Variants in PLXDC2 observed in about 807,000 individuals in gnomAD.
PLXDC2 encodes the protein plexin domain-containing protein 2.
PLXDC2 carries 40 observed loss-of-function variants against 68.9 expected under a neutral mutation model. The ratio of observed to expected loss-of-function variants is 0.58; its 90% CI spans 0.45 to 0.76. PLXDC2 has a LOEUF of 0.76. PLXDC2 is among the 30% of genes least tolerant of loss of function. The probability of loss-of-function intolerance (pLI) is 0.00; values close to 1 mark genes in which losing one functional copy is unlikely to be tolerated. For synonymous variants in PLXDC2, 243 were observed against 234.2 expected (o/e 1.04, Z -0.34); for missense variants, 644 against 661.9 (o/e 0.97, Z 0.30).
intron 9 of PLXDC2, among the ~76,000 whole-genome samples, chr10:20,200,369 G>A (rs1834900624): frequency 6.6e-6 from 1 of 151,954 alleles, no homozygotes; most frequent in Non-Finnish European, 1.5e-5. Flanking sequence ...AACATGAAAT[G>A]TCATTTTAAC....
chr10:20,104,000 T>G (rs748196991), intron 4 of PLXDC2, among the ~76,000 whole-genome samples: 3 of 152,138 alleles, frequency 2.0e-5, no homozygotes, highest in African/African-American at 7.2e-5. Flanking sequence ...CAGAAGGACA[T>G]GGGGTCCAGT....
intron 2 of PLXDC2, among the ~76,000 whole-genome samples, chr10:20,009,383 T>C (rs1323073420): frequency 6.6e-6 from 1 of 152,192 alleles, no homozygotes; most frequent in Non-Finnish European, 1.5e-5. Flanking sequence ...TTTTTGTGTG[T>C]GAAATATTTC....
chr10:20,270,588 A>G (rs1835925262), intron 13 of PLXDC2, among the ~76,000 whole-genome samples: 1 of 151,940 alleles, frequency 6.6e-6, no homozygotes. Flanking sequence ...CTTGTTGCTC[A>G]GGCTGGAGTG....
intron 7 of PLXDC2, among the ~76,000 whole-genome samples, chr10:20,173,511 C>T (rs2131823008): frequency 6.6e-6 from 1 of 152,272 alleles, no homozygotes; most frequent in South Asian, 2.1e-4. Flanking sequence ...ATCACATTGT[C>T]CCTCCTGCTG....
intron 1 of PLXDC2, among the ~76,000 whole-genome samples, chr10:19,846,887 G>T (rs1837019631): frequency 6.6e-6 from 1 of 152,134 alleles, no homozygotes; most frequent in South Asian, 2.1e-4. Context: ...GTTCCATATG[G>T]CTGAGGAGGT....
At chr10:20,184,695 T>C (rs1423361980) in intron 9 of PLXDC2, among the ~76,000 whole-genome samples, 1 of 151,886 alleles carries the variant, frequency 6.6e-6, no homozygotes, top group African/African-American at 2.4e-5. Flanking sequence ...ATCCAACCTT[T>C]CCCAAATCAC....
chr10:20,239,154 G>A (rs1001719258), intron 12 of PLXDC2, among the ~76,000 whole-genome samples: 11 of 152,068 alleles, frequency 7.2e-5, no homozygotes, highest in Admixed American at 1.3e-4. Flanking sequence ...TGTGTGTTAC[G>A]TTTTACTAAG....
rs143267716 is a variant in PLXDC2 at position 19,918,720 on chromosome 10, C to T, written c.113-83055C>T. On this transcript the variant is annotated intron_variant, in intron 1 of 13. Transcript: ENST00000377252. ...GCAGTACTTTCCCATACTTTAATAT[C>T]GAGACTCTTGACGAACATAAGTAGC... Among the ~76,000 whole-genome samples, 612 of 152,228 alleles carry T rather than the reference C, an allele frequency of 4.0e-3. 10 individuals carry two copies. In the East Asian group the frequency reaches 0.047, roughly 12 times the overall value.
At chr10:19,894,013 G>A (rs1214213494) in intron 1 of PLXDC2, among the ~76,000 whole-genome samples, 2 of 152,100 alleles carry the variant, frequency 1.3e-5, no homozygotes, top group East Asian at 1.9e-4. Context: ...CTCTTCCCAC[G>A]AATGGAGTAA....
Position 20,287,809 on chromosome 10 carries a change from G to A in PLXDC2, c.*7990G>A, listed in dbSNP as rs1360517752. ...GATTTGAAGCATTTCAACAGTGCCT[G>A]GAGAGTACATTATTTTCAGGGGAAA... On this transcript the variant is annotated 3_prime_UTR_variant, in exon 14 of 14. Coordinates refer to ENST00000377252, the MANE Select transcript of PLXDC2 (RefSeq NM_032812.9). The A allele has an allele frequency of 1.3e-5, 2 of 151,900 alleles. No homozygotes were observed. Among genetic ancestry groups the A allele is most frequent in the Non-Finnish European group, 2.9e-5 (2 of 68,022 alleles). The allele number at this position is 151,900 out of a possible 1,614,324, so 9.4% of individuals were successfully genotyped here.
intron 1 of PLXDC2, among the ~76,000 whole-genome samples, chr10:19,862,190 T>G (rs1837331458): frequency 6.6e-6 from 1 of 152,210 alleles, no homozygotes; most frequent in Non-Finnish European, 1.5e-5. Flanking sequence ...CCAAAATTAT[T>G]TAAACTAAAG....
intron 9 of PLXDC2, 68 bp downstream of exon 9, chr10:20,177,477 A>G: frequency 1.2e-6 from 1 of 856,570 alleles, no homozygotes; most frequent in Non-Finnish European, 1.6e-6. Context: ...GAAATTAAAA[A>G]TAACTTATGG....
At chr10:20,216,105 A>G (rs1320464264) in intron 10 of PLXDC2, among the ~76,000 whole-genome samples, 1 of 152,020 alleles carries the variant, frequency 6.6e-6, no homozygotes, top group Non-Finnish European at 1.5e-5. Flanking sequence ...AGAAAAAAAA[A>G]CTAAAAAAAA....
intron 4 of PLXDC2, among the ~76,000 whole-genome samples, chr10:20,077,600 G>A (rs578075880): frequency 3.9e-5 from 6 of 152,196 alleles, no homozygotes; most frequent in African/African-American, 1.2e-4. Flanking sequence ...TCTCCTGAAG[G>A]CAAAGAAAAT....
intron 4 of PLXDC2, among the ~76,000 whole-genome samples, chr10:20,136,376 A>T (rs770846611): frequency 6.6e-6 from 1 of 152,268 alleles, no homozygotes; most frequent in Admixed American, 6.5e-5. Flanking sequence ...TAAAGAAGGT[A>T]GTTTATAGTA....
At chr10:20,086,576 C>T (rs1029365585) in intron 4 of PLXDC2, among the ~76,000 whole-genome samples, 14 of 151,988 alleles carry the variant, frequency 9.2e-5, no homozygotes, top group Non-Finnish European at 1.6e-4. Context: ...GGTTTACGGG[C>T]GCCTCTCAGC....
intron 1 of PLXDC2, among the ~76,000 whole-genome samples, chr10:19,948,142 A>C (rs186100820): frequency 6.6e-6 from 1 of 152,146 alleles, no homozygotes; most frequent in Non-Finnish European, 1.5e-5. Context: ...ACAATTCTTC[A>C]TTAAATTAAT....
chr10:20,124,103 A>G (rs1288850451), intron 4 of PLXDC2, among the ~76,000 whole-genome samples: 3 of 152,054 alleles, frequency 2.0e-5, no homozygotes, highest in African/African-American at 7.2e-5. Context: ...CTAAGGATGA[A>G]GGACAAAGGC....
At chr10:19,922,473 G>T (rs1347796953) in intron 1 of PLXDC2, among the ~76,000 whole-genome samples, 1 of 152,164 alleles carries the variant, frequency 6.6e-6, no homozygotes, top group Non-Finnish European at 1.5e-5. Context: ...GGTGTTGGAG[G>T]TGAGGCTTCC....
Sources: allele counts gnomAD v4.1 joint callset (sites outside exome capture counted in the v4.1 genomes callset), GRCh38; gene constraint gnomAD v4.1.1; transcripts MANE v1.5; gene names NCBI Gene and HGNC (gene_info 2026-07-23, HGNC 2026-07-21).